Variants in ZNF616 observed in about 807,000 individuals in gnomAD.
ZNF616 encodes zinc finger protein 616.
Under a neutral mutation model 7.6 loss-of-function variants are expected in ZNF616, and 5 were observed. The ratio of observed to expected loss-of-function variants is 0.66; its 90% CI spans 0.34 to 1.38. The LOEUF (loss-of-function observed/expected upper bound fraction) is 1.38, where lower values mean the gene tolerates loss of function less well. Among genes scored for constraint, ZNF616 ranks in the 40% most tolerant of loss-of-function variants. The probability of loss-of-function intolerance (pLI) is 0.04; values close to 1 mark genes in which losing one functional copy is unlikely to be tolerated. For synonymous variants in ZNF616, 319 were observed against 317.2 expected, an observed-to-expected ratio of 1.01 and a Z score of -0.06; for missense variants, 913 against 948.3, an observed-to-expected ratio of 0.96 and a Z score of 0.49.
intron 2 of ZNF616, among the ~76,000 whole-genome samples, chr19:52,129,370 A>C (rs769866260): frequency 3.9e-5 from 6 of 152,108 alleles, no homozygotes; most frequent in Non-Finnish European, 7.4e-5. Context: ...TCTGCTTGAA[A>C]TTTTACCAAA....
intron 1 of ZNF616, 66 bp from the exon 2 acceptor site, chr19:52,130,654 T>C (rs1012983392): frequency 1.6e-6 from 2 of 1,241,752 alleles, no homozygotes; most frequent in Non-Finnish European, 2.2e-6. Flanking sequence ...GTCACAACCA[T>C]GCACACAGGG....
chr19:52,125,859 A>G (rs751872283), intron 2 of ZNF616, among the ~76,000 whole-genome samples: 1 of 152,248 alleles, frequency 6.6e-6, no homozygotes, highest in Non-Finnish European at 1.5e-5. Flanking sequence ...GCAATAACAC[A>G]GAAAGACATG....
chr19:52,122,881 G>A (rs1194695268), intron 3 of ZNF616, among the ~76,000 whole-genome samples: 1 of 151,904 alleles, frequency 6.6e-6, no homozygotes, highest in Non-Finnish European at 1.5e-5. Context: ...TGATCCACCC[G>A]CCTCGGCCTC....
intron 2 of ZNF616, among the ~76,000 whole-genome samples, chr19:52,129,283 C>A (rs894486430): frequency 5.3e-5 from 8 of 151,912 alleles, no homozygotes; most frequent in African/African-American, 1.9e-4. Flanking sequence ...CCGTACAAAA[C>A]AAAAAGCAAA....
rs759915914 is a variant in ZNF616 at position 52,115,825 on chromosome 19, T to G, written c.1339A>C (p.Ser447Arg). The G allele has an allele frequency of 2.0e-5, 32 of 1,609,210 alleles. No homozygotes were observed. In the South Asian group the frequency reaches 3.2e-4, roughly 16 times the overall value. The change falls in exon 4 of 4, where the codon AGT (serine) becomes CGT (arginine). Residue 447 changes from serine (S) to arginine (R), a missense_variant. Transcript: ENST00000600228. ...TGCACTGCAAGATGTGAATGCTTAC[T>G]GTACACCTTGCCACATTTATTGCAT... is the stretch of plus-strand genomic sequence containing the variant. ...YKCNKCGKVY[S>R]KHSHLAVHWR...
rs762432542 is a variant in ZNF616, at chr19:52,114,894, C to A, written c.2270G>T (p.Arg757Leu). Reference sequence around the variant, plus strand: ...TATTCGATGTTTAGTGAGGCCTGAGCGACAAATAAAAGATTTCCCACACTC... The same window carrying A: ...TATTCGATGTTTAGTGAGGCCTGAGAGACAAATAAAAGATTTCCCACACTC... ...CNECGKSFICRSGLTKHRIRH... is the reference protein window; with the variant it reads ...CNECGKSFICLSGLTKHRIRH... Residue 757 changes from arginine (R) to leucine (L), a missense_variant, in exon 4 of 4, where the codon CGC (arginine) becomes CTC (leucine). Physicochemically the swap from Arg to Leu is moderately radical, Grantham distance 102 (BLOSUM62 -2). Coordinates refer to ENST00000600228, the MANE Select transcript of ZNF616 (RefSeq NM_178523.5). 1 of 1,613,416 alleles carries A rather than the reference C, an allele frequency of 6.2e-7. No individual in the cohort carries two copies. Among genetic ancestry groups the A allele is most frequent in the South Asian group, 1.1e-5 (1 of 90,974 alleles).
chr19:52,138,275 C>G (rs1284626837), intron 1 of ZNF616, among the ~76,000 whole-genome samples: 2 of 152,224 alleles, frequency 1.3e-5, no homozygotes, highest in African/African-American at 4.8e-5. Context: ...TGAATCAAGT[C>G]ACTGCCCTGT....
intron 1 of ZNF616, among the ~76,000 whole-genome samples, chr19:52,134,683 C>T (rs1568563611): frequency 6.6e-6 from 1 of 152,188 alleles, no homozygotes; most frequent in South Asian, 2.1e-4. Flanking sequence ...AACTCCCCAA[C>T]ACTGGCCACA....
intron 2 of ZNF616, among the ~76,000 whole-genome samples, chr19:52,126,733 C>T (rs2088911750): frequency 6.6e-6 from 1 of 152,118 alleles, no homozygotes; most frequent in Admixed American, 6.6e-5. Flanking sequence ...CATGCCACTG[C>T]ACTCCAGCCT....
At position 52,115,728 on chromosome 19, in the gene ZNF616, C is replaced by A. The variant is rs766854899; in HGVS notation, c.1436G>T (p.Arg479Leu). ...ATGAATTCTCTGATGAGCTGCAAGTCGTGAATGTATGCTGAAAACTTTGCC... is the reference window on the plus strand; with the variant it reads ...ATGAATTCTCTGATGAGCTGCAAGTAGTGAATGTATGCTGAAAACTTTGCC... ...ECGKVFSIHS[R>L]LAAHQRIHTG... The change falls in exon 4 of 4, where the codon CGA (arginine) becomes CTA (leucine). Residue 479 changes from arginine to leucine, a missense_variant. Coordinates refer to ENST00000600228, the MANE Select transcript of ZNF616 (RefSeq NM_178523.5). 6.2e-7 allele frequency: 1 copy of A among 1,613,554 alleles called. No homozygotes were observed. Among genetic ancestry groups the A allele is most frequent in the South Asian group, 1.1e-5 (1 of 91,046 alleles).
At chr19:52,125,489 CTTCT>C (rs780704248) in intron 2 of ZNF616, among the ~76,000 whole-genome samples, 4 of 152,198 alleles carry the variant, frequency 2.6e-5, no homozygotes, top group Non-Finnish European at 5.9e-5. Flanking sequence ...TGACAATAAT[CTTCT>C]TTGACTCTAT....
At chr19:52,120,467 A>G (rs2088856808) in intron 3 of ZNF616, among the ~76,000 whole-genome samples, 1 of 152,226 alleles carries the variant, frequency 6.6e-6, no homozygotes, top group South Asian at 2.1e-4. Context: ...CTTCTCTATC[A>G]GTAATTACAT....
At chr19:52,122,443 C>A (rs1012193841) in intron 3 of ZNF616, 1 of 151,964 alleles carries the variant, frequency 6.6e-6, no homozygotes, top group Non-Finnish European at 1.5e-5. Flanking sequence ...TGAGATCGCG[C>A]CATTATTCTC....
chr19:52,121,804 A>C (rs1026033921), intron 3 of ZNF616, among the ~76,000 whole-genome samples: 16 of 152,202 alleles, frequency 1.1e-4, no homozygotes, highest in African/African-American at 3.6e-4. Flanking sequence ...TACAAAAATT[A>C]ATTCAAGATG....
chr19:52,115,380 T>C lies in ZNF616; in HGVS notation c.1784A>G (p.His595Arg). 1.9e-6 allele frequency: 3 copies of C among 1,614,150 alleles called. No homozygotes were observed. The highest frequency in any genetic ancestry group is 2.5e-6 in the Non-Finnish European group (3 of 1,180,006). ...VYSQYSHLVG[H>R]RRVHTGEKPY... ...TTTCTCTCCAGTATGAACTCTTCGA[T>C]GCCCTACAAGATGTGAATACTGACT... The change falls in exon 4 of 4, where the codon CAT becomes CGT. Residue 595 changes from histidine (H) to arginine (R), a missense_variant. His to Arg is a conservative substitution (Grantham distance 29). Coordinates refer to ENST00000600228, the MANE Select transcript of ZNF616 (RefSeq NM_178523.5).
Position 52,114,205 on chromosome 19 carries a change from C to G in ZNF616, c.*613G>C, listed in dbSNP as rs1568557104. ...AATTACCTAGATTTACAAGTTCTGG[C>G]TTTTGAGTAGAATTCTTGCCACACG... On this transcript the variant is annotated 3_prime_UTR_variant, in exon 4 of 4. Coordinates refer to ENST00000600228, the MANE Select transcript of ZNF616 (RefSeq NM_178523.5). The G allele has an allele frequency of 6.6e-6, 1 of 152,074 alleles. No individual in the cohort carries two copies. The highest frequency in any genetic ancestry group is 1.5e-5 in the Non-Finnish European group (1 of 68,022). The allele number at this position is 152,074 out of a possible 1,614,324, so 9.4% of individuals were successfully genotyped here.
At chr19:52,121,573 A>T (rs1413882639) in intron 3 of ZNF616, among the ~76,000 whole-genome samples, 1 of 152,202 alleles carries the variant, frequency 6.6e-6, no homozygotes, top group Admixed American at 6.5e-5. Context: ...AAAATAGAAG[A>T]TCTCCAATAG....
chr19:52,119,414 G>A (rs2088849961), intron 3 of ZNF616, among the ~76,000 whole-genome samples: 1 of 151,964 alleles, frequency 6.6e-6, no homozygotes, highest in African/African-American at 2.4e-5. Context: ...AAGTGATCAA[G>A]TGAATGAGTA....
At position 52,120,237 on chromosome 19, in the gene ZNF616, T is replaced by C. The variant is rs925061024; in HGVS notation, c.140-3213A>G. Among the ~76,000 whole-genome samples, 9 of 152,324 alleles carry C rather than the reference T, an allele frequency of 5.9e-5. 1 individual carries two copies. The highest frequency in any genetic ancestry group is 2.1e-4 in the South Asian group (1 of 4,828). ...GAGTCATTTTTCTATGTGACTGAAG[T>C]CAAACTGTTACCAGTTTAAAACAGG... On this transcript the variant is annotated intron_variant, in intron 3 of 3. Coordinates refer to ENST00000600228, the MANE Select transcript of ZNF616 (RefSeq NM_178523.5).
Sources: allele counts gnomAD v4.1 joint callset (sites outside exome capture counted in the v4.1 genomes callset), GRCh38; gene constraint gnomAD v4.1.1; transcripts MANE v1.5; gene names NCBI Gene and HGNC (gene_info 2026-07-23, HGNC 2026-07-21).